The following AGBL4 variants were observed in gnomAD, a reference collection of about 807,000 sequenced individuals.
AGBL4 encodes the protein cytosolic carboxypeptidase 6.
Under a neutral mutation model 66.4 loss-of-function variants are expected in AGBL4, and 58 were observed. The ratio of observed to expected loss-of-function variants is 0.87; its 90% CI spans 0.71 to 1.09. The LOEUF (loss-of-function observed/expected upper bound fraction) is 1.09. Ranked by LOEUF, AGBL4 falls within the 50% of genes least tolerant of loss-of-function variation. The pLI, the probability that AGBL4 is intolerant of heterozygous loss-of-function variation, is 0.00. For synonymous variants in AGBL4, 234 were observed against 222.9 expected (o/e 1.05, Z -0.44); for missense variants, 579 against 631.0 (o/e 0.92, Z 0.88).
chr1:48,798,085 A>C (rs1323628043), intron 6 of AGBL4, among the ~76,000 whole-genome samples: 2 of 152,200 alleles, frequency 1.3e-5, no homozygotes, highest in Non-Finnish European at 2.9e-5. Flanking sequence ...ACTAGTTTAC[A>C]TTCCCACAAG....
intron 4 of AGBL4, among the ~76,000 whole-genome samples, chr1:49,196,618 G>T (rs1007853306): frequency 2.0e-5 from 3 of 151,888 alleles, no homozygotes; most frequent in Non-Finnish European, 4.4e-5. Context: ...CATAACTGAA[G>T]AAATCATAAC....
At chr1:49,339,487 C>T (rs1645497268) in intron 3 of AGBL4, among the ~76,000 whole-genome samples, 1 of 152,146 alleles carries the variant, frequency 6.6e-6, no homozygotes. Flanking sequence ...GGCCCTGTGG[C>T]AGAAAATGTT....
chr1:49,163,950 C>A (rs1646586197), intron 4 of AGBL4, among the ~76,000 whole-genome samples: 1 of 151,930 alleles, frequency 6.6e-6, no homozygotes, highest in Non-Finnish European at 1.5e-5. Context: ...TGTTTGGAGG[C>A]CAGTATGAAA....
chr1:48,922,391 G>A (rs1156728867), intron 5 of AGBL4, among the ~76,000 whole-genome samples: 1 of 152,076 alleles, frequency 6.6e-6, no homozygotes, highest in Non-Finnish European at 1.5e-5. Flanking sequence ...TAGAGGTGGA[G>A]GTAAGAGAAG....
intron 3 of AGBL4, among the ~76,000 whole-genome samples, chr1:49,650,483 G>A (rs898829692): frequency 6.6e-6 from 1 of 152,160 alleles, no homozygotes; most frequent in Non-Finnish European, 1.5e-5. Context: ...AGCACTGAGT[G>A]GCCAGCTCAT....
intron 3 of AGBL4, among the ~76,000 whole-genome samples, chr1:49,635,940 C>G (rs74078152): frequency 0.023 from 3,510 of 152,186 alleles, 119 homozygotes; most frequent in African/African-American, 0.076. Flanking sequence ...CTATTTACAG[C>G]AACTAAAAAT....
intron 1 of AGBL4, among the ~76,000 whole-genome samples, chr1:49,889,405 AC>A (rs1438607361): frequency 5.9e-5 from 9 of 152,178 alleles, no homozygotes; most frequent in African/African-American, 1.9e-4. Context: ...TTTTCAATTC[AC>A]TGAAGTGATG....
At chr1:49,712,267 T>C (rs1647729725) in intron 2 of AGBL4, among the ~76,000 whole-genome samples, 1 of 151,926 alleles carries the variant, frequency 6.6e-6, no homozygotes, top group Admixed American at 6.6e-5. Context: ...TAATATTCCA[T>C]TGAATAATAC....
At chr1:49,110,506 T>C (rs1249692065) in intron 4 of AGBL4, among the ~76,000 whole-genome samples, 1 of 152,332 alleles carries the variant, frequency 6.6e-6, no homozygotes, top group Non-Finnish European at 1.5e-5. Context: ...ATCCTCTTAT[T>C]CCCTCAGCCA....
intron 5 of AGBL4, among the ~76,000 whole-genome samples, chr1:49,041,728 G>A (rs1211096888): frequency 1.3e-5 from 2 of 152,150 alleles, no homozygotes; most frequent in East Asian, 3.9e-4. Flanking sequence ...CGGTATGTGT[G>A]TTGTGTTGAA....
At position 49,889,410 on chromosome 1, in the gene AGBL4, A is replaced by G. The variant is rs373097937; in HGVS notation, c.35-37892T>C. On this transcript the variant is annotated intron_variant, in intron 1 of 13. Transcript: ENST00000371839. ...CTTTTTTTCTTTTTCAATTCACTGA[A>G]GTGATGACATATTTTGTATTTTCTA... Among the ~76,000 whole-genome samples, 15 of 152,290 alleles carry G rather than the reference A, an allele frequency of 9.8e-5. No individual in the cohort carries two copies. The East Asian group carries it at 2.1e-3, about 22-fold the overall frequency.
intron 6 of AGBL4, among the ~76,000 whole-genome samples, chr1:48,821,858 T>C (rs1165087912): frequency 6.6e-6 from 1 of 152,166 alleles, no homozygotes; most frequent in Non-Finnish European, 1.5e-5. Context: ...TAAGAACTCA[T>C]ACAAATCCAT....
intron 3 of AGBL4, among the ~76,000 whole-genome samples, chr1:49,385,902 T>C (rs540341986): frequency 1.3e-3 from 193 of 152,186 alleles, no homozygotes; most frequent in Admixed American, 2.6e-3. Context: ...ATTCCAGTTA[T>C]AAAATATCAC....
intron 1 of AGBL4, among the ~76,000 whole-genome samples, chr1:49,908,098 G>GTTTCT: frequency 6.6e-6 from 1 of 152,146 alleles, no homozygotes; most frequent in South Asian, 2.1e-4. Flanking sequence ...TCAAGGCCAG[G>GTTTCT]CATGGTGGCT....
intron 4 of AGBL4, among the ~76,000 whole-genome samples, chr1:49,075,686 C>T (rs952646733): frequency 3.9e-5 from 6 of 152,084 alleles, no homozygotes; most frequent in East Asian, 3.9e-4. Flanking sequence ...CAGATTGGTC[C>T]GAGGACAGGG....
chr1:48,672,225 G>C (rs547177195), intron 6 of AGBL4, among the ~76,000 whole-genome samples: 4 of 152,250 alleles, frequency 2.6e-5, no homozygotes, highest in Admixed American at 2.6e-4. Context: ...GCCCTCTCCT[G>C]CTTTCCTGGC....
intron 3 of AGBL4, among the ~76,000 whole-genome samples, chr1:49,398,884 G>A (rs529551560): frequency 6.6e-6 from 1 of 152,078 alleles, no homozygotes; most frequent in African/African-American, 2.4e-5. Flanking sequence ...AAAATGTACA[G>A]TTATATTATT....
intron 5 of AGBL4, among the ~76,000 whole-genome samples, chr1:49,030,898 T>TA (rs1664168677): frequency 6.6e-6 from 1 of 150,968 alleles, no homozygotes; most frequent in African/African-American, 2.4e-5. Context: ...TTTTATGCTA[T>TA]AAATGATACC....
chr1:49,761,040 G>A (rs944761312), intron 2 of AGBL4, among the ~76,000 whole-genome samples: 2 of 151,926 alleles, frequency 1.3e-5, no homozygotes, highest in African/African-American at 4.8e-5. Context: ...GTAATGGGAG[G>A]GAACTTAGAG....
Sources: gnomAD v4.1 joint callset for allele counts (sites outside exome capture counted in the v4.1 genomes callset) on GRCh38, gnomAD v4.1.1 for gene constraint, MANE v1.5 for transcripts, NCBI Gene and HGNC (gene_info 2026-07-23, HGNC 2026-07-21) for gene names.